The following PMP22 variants were observed in gnomAD, a reference collection of about 807,000 sequenced individuals.
PMP22 encodes peripheral myelin protein 22.
Under a neutral mutation model 18.9 loss-of-function variants are expected in PMP22, and 2 were observed. The ratio of observed to expected loss-of-function variants is 0.11; its 90% CI spans 0.04 to 0.33. PMP22 has a LOEUF of 0.33. Ranked by LOEUF, PMP22 falls within the 10% of genes least tolerant of loss-of-function variation. The probability of loss-of-function intolerance (pLI) is 1.00; values close to 1 mark genes in which losing one functional copy is unlikely to be tolerated. For synonymous variants in PMP22, 95 were observed against 89.2 expected, an observed-to-expected ratio of 1.07 and a Z score of -0.37; for missense variants, 169 against 202.2, an observed-to-expected ratio of 0.84 and a Z score of 1.00.
chr17:15,233,429 G>A (rs956892155), intron 4 of PMP22, among the ~76,000 whole-genome samples: 8 of 152,246 alleles, frequency 5.3e-5, no homozygotes, highest in African/African-American at 1.9e-4. Context: ...GGGTAGGTCT[G>A]CAACAACTTC....
At chr17:15,231,114 G>C (rs1322296556) in intron 4 of PMP22, 34 bp from the exon 5 acceptor site, 2 of 1,611,166 alleles carry the variant, frequency 1.2e-6, no homozygotes, top group South Asian at 1.1e-5. Flanking sequence ...GGGTGACGGA[G>C]AGTCCATGGC....
rs911074863 is a variant in PMP22, at chr17:15,252,618, T to C, written c.178+6476A>G. On this transcript the variant is annotated intron_variant, in intron 3 of 4. Coordinates refer to ENST00000312280, the MANE Select transcript of PMP22 (RefSeq NM_000304.4). ...GACAGATTACAGGAAAGCTCAACAA[T>C]TCCCTTCATGCTTTGGTGTTGAGCA... 2.6e-5 allele frequency among the ~76,000 whole-genome samples: 4 copies of C among 152,178 alleles called. No individual in the cohort carries two copies. The South Asian group carries it at 6.2e-4, about 24-fold the overall frequency.
chr17:15,248,683 A>G (rs188337361), intron 3 of PMP22, among the ~76,000 whole-genome samples: 57 of 152,274 alleles, frequency 3.7e-4, no homozygotes, highest in Non-Finnish European at 7.9e-4. Flanking sequence ...CTCTTGGAAG[A>G]CTTACTCCAC....
intron 1 of PMP22, 77 bp from the exon 2 acceptor site, chr17:15,260,838 C>T: frequency 3.9e-6 from 4 of 1,026,764 alleles, no homozygotes; most frequent in Non-Finnish European, 5.9e-6. Context: ...GAGGGTCCCG[C>T]GCACTAGCGG....
In PMP22 at chr17:15,229,880, G is replaced by C. The variant is rs1396346128; in HGVS notation, c.*1037C>G. The C allele has an allele frequency of 6.6e-6, 1 of 152,646 alleles. No homozygotes were observed. The highest frequency in any genetic ancestry group is 2.4e-5 in the African/African-American group (1 of 41,444). 9.5% of individuals were successfully genotyped at this position (152,646 alleles called of 1,614,324 possible). On this transcript the variant is annotated 3_prime_UTR_variant, in exon 5 of 5. Transcript: ENST00000312280. ...CAAAAGGTCTGGAGTCTTAGCATCA[G>C]AAGGGCACCATATATACATCTACAG...
At chr17:15,257,615 T>G (rs1343338951) in intron 3 of PMP22, among the ~76,000 whole-genome samples, 5 of 152,178 alleles carry the variant, frequency 3.3e-5, no homozygotes, top group African/African-American at 9.7e-5. Context: ...TGCTGTGGCT[T>G]TGGGGACAAG....
chr17:15,264,493 C>T (rs543876029), intron 1 of PMP22, among the ~76,000 whole-genome samples: 5 of 152,304 alleles, frequency 3.3e-5, no homozygotes, highest in Admixed American at 2.0e-4. Context: ...GCATATCTAA[C>T]TCAGGGTTTT....
intron 2 of PMP22, among the ~76,000 whole-genome samples, chr17:15,259,631 C>A (rs537630293): frequency 2.0e-5 from 3 of 152,170 alleles, no homozygotes; most frequent in African/African-American, 7.2e-5. Context: ...ATAATTATTT[C>A]TCACAGAGAC....
Position 15,230,591 on chromosome 17 carries a change from C to A in PMP22, c.*326G>T. Reference sequence around the variant, plus strand: ...TAAAACAAAACAAACAAACAAAAAACAAAACAAAAATACTGAGCTGGATTA... The same window carrying A: ...TAAAACAAAACAAACAAACAAAAAAAAAAACAAAAATACTGAGCTGGATTA... On this transcript the variant is annotated 3_prime_UTR_variant, in exon 5 of 5. Transcript: ENST00000312280. 7.2e-6 allele frequency: 2 copies of A among 278,430 alleles called. No individual in the cohort carries two copies. The highest frequency in any genetic ancestry group is 2.2e-5 in the African/African-American group (1 of 45,686). 17.2% of individuals were successfully genotyped at this position (278,430 alleles called of 1,614,324 possible). A position where few individuals can be genotyped will look rare whatever the true frequency, so the allele number is the denominator to read the frequency against.
intron 3 of PMP22, among the ~76,000 whole-genome samples, chr17:15,244,848 C>A (rs536617174): frequency 6.6e-6 from 1 of 152,172 alleles, no homozygotes; most frequent in Non-Finnish European, 1.5e-5. Context: ...GGTCAAGAAG[C>A]CTTTCAGTTG....
At chr17:15,237,220 C>T (rs891865444) in intron 4 of PMP22, among the ~76,000 whole-genome samples, 2 of 152,158 alleles carry the variant, frequency 1.3e-5, no homozygotes, top group Admixed American at 6.5e-5. Flanking sequence ...GAGTGTTTGG[C>T]TGAACTGAAA....
At position 15,239,550 on chromosome 17, in the gene PMP22, C is replaced by A. The variant is rs769945527; in HGVS notation, c.240G>T (p.Leu80=). The change falls in exon 4 of 5, where the codon CTG becomes CTT. Residue 80 remains leucine, a synonymous_variant. Coordinates refer to ENST00000312280, the MANE Select transcript of PMP22 (RefSeq NM_000304.4). ...TGAAGAGTTGGCAGAAGAACAGGAA[C>A]AGAGACAGAATGCTGAAGATGATCG... ...ILSIIFSILS[L]FLFFCQLFTL... 1 of 1,613,914 alleles carries A rather than the reference C, an allele frequency of 6.2e-7. No individual in the cohort carries two copies. Among genetic ancestry groups the A allele is most frequent in the Non-Finnish European group, 8.5e-7 (1 of 1,179,908 alleles).
rs1394995770 is a variant in PMP22, at chr17:15,261,234, A to C, written c.-34-473T>G. 6.5e-6 allele frequency: 1 copy of C among 153,368 alleles called. No individual in the cohort carries two copies. The highest frequency in any genetic ancestry group is 1.4e-5 in the Non-Finnish European group (1 of 69,040). The allele number at this position is 153,368 out of a possible 1,614,324, so 9.5% of individuals were successfully genotyped here. A position where few individuals can be genotyped will look rare whatever the true frequency, so the allele number is the denominator to read the frequency against. ...GAGTAGGTGCCCAGATTTCCGTCTG[A>C]GACCTGGAGACAGCCGTGGCATGCG... On this transcript the variant is annotated intron_variant, in intron 1 of 4. Coordinates refer to ENST00000312280, the MANE Select transcript of PMP22 (RefSeq NM_000304.4). The surrounding 1 kb of genome is among the most constrained non-coding windows in gnomAD (Gnocchi z 5.2).
chr17:15,235,552 T>C (rs1906724330), intron 4 of PMP22, among the ~76,000 whole-genome samples: 1 of 152,184 alleles, frequency 6.6e-6, no homozygotes, highest in African/African-American at 2.4e-5. Flanking sequence ...GATCAGGATG[T>C]TCCTTCTCTA....
chr17:15,252,697 C>A lies in PMP22; in HGVS notation c.178+6397G>T, dbSNP rs148137297. Among the ~76,000 whole-genome samples the A allele has an allele frequency of 3.2e-3, 480 of 152,324 alleles. 1 individual carries two copies. Among genetic ancestry groups the A allele is most frequent in the African/African-American group, 0.011 (460 of 41,574 alleles). On this transcript the variant is annotated intron_variant, in intron 3 of 4. Coordinates refer to ENST00000312280, the MANE Select transcript of PMP22 (RefSeq NM_000304.4). ...TTCAAAAAGGGGCACATTTTTTGTG[C>A]CTAACACCTCAGCATGAAAAAGTTT...
At position 15,260,602 on chromosome 17, in the gene PMP22, G is replaced by C. The variant is rs1909229521; in HGVS notation, c.78+48C>G. The C allele has an allele frequency of 3.4e-6, 5 of 1,473,064 alleles. No homozygotes were observed. The Admixed American group carries it at 5.9e-5, about 17-fold the overall frequency. 91.2% of individuals were successfully genotyped at this position (1,473,064 alleles called of 1,614,324 possible). ...AGCAGGAGCACGGGCTGGGAACCCAGATGGGGAAGGGCGGGCCGCGCAGGG... is the reference window on the plus strand; with the variant it reads ...AGCAGGAGCACGGGCTGGGAACCCACATGGGGAAGGGCGGGCCGCGCAGGG... On this transcript the variant is annotated intron_variant, in intron 2 of 4. Transcript: ENST00000312280.
At chr17:15,236,649 G>A (rs1472798942) in intron 4 of PMP22, among the ~76,000 whole-genome samples, 2 of 152,066 alleles carry the variant, frequency 1.3e-5, no homozygotes, top group Non-Finnish European at 2.9e-5. Context: ...CCAAAACGTG[G>A]GTTTCTCATC....
At chr17:15,260,309 T>C (rs1196025698) in intron 2 of PMP22, 2 of 341,390 alleles carry the variant, frequency 5.9e-6, no homozygotes, top group African/African-American at 4.2e-5. Context: ...AAAAAAATCA[T>C]AAATACTCCT....
rs1305424913 is a variant in PMP22 at position 15,239,509 on chromosome 17, C to T, written c.281G>A (p.Gly94Asp). The T allele has an allele frequency of 1.2e-6, 2 of 1,614,058 alleles. No individual in the cohort carries two copies. Among genetic ancestry groups the T allele is most frequent in the South Asian group, 2.2e-5 (2 of 91,078 alleles). The change falls in exon 4 of 5, where the codon GGC becomes GAC. Residue 94 changes from glycine (G) to aspartate (D), a missense_variant. Coordinates refer to ENST00000312280, the MANE Select transcript of PMP22 (RefSeq NM_000304.4). ...FCQLFTLTKG[G>D]RFYITGIFQI... ...GAAGATTCCAGTGATGTAAAACCTGCCCCCCTTGGTGAGGGTGAAGAGTTG... is the reference window on the plus strand; with the variant it reads ...GAAGATTCCAGTGATGTAAAACCTGTCCCCCTTGGTGAGGGTGAAGAGTTG...
Sources: gnomAD v4.1 joint callset for allele counts (sites outside exome capture counted in the v4.1 genomes callset) on GRCh38, gnomAD v4.1.1 for gene constraint, Gnocchi (gnomAD v3.1) non-coding constraint, MANE v1.5 for transcripts, NCBI Gene and HGNC (gene_info 2026-07-23, HGNC 2026-07-21) for gene names.